Variants in ERG observed in about 807,000 individuals in gnomAD.
ERG encodes transcriptional regulator ERG.
Under a neutral mutation model 55.3 loss-of-function variants are expected in ERG, and 9 were observed. That is an observed-to-expected ratio of 0.16 (90% CI 0.10 to 0.28). The LOEUF is 0.28. Ranked by LOEUF, ERG falls within the 10% of genes least tolerant of loss-of-function variation. ERG has a pLI of 1.00. For missense variants in ERG, 434 were observed against 631.6 expected (o/e 0.69, Z 3.35); for synonymous variants, 223 against 237.3 (o/e 0.94, Z 0.55).
chr21:38,404,200 C>T (rs1988652092), intron 3 of ERG, among the ~76,000 whole-genome samples: 1 of 152,082 alleles, frequency 6.6e-6, no homozygotes, highest in Non-Finnish European at 1.5e-5. Flanking sequence ...ATGCAAAATA[C>T]TGAAAAATAC....
intron 3 of ERG, among the ~76,000 whole-genome samples, chr21:38,412,703 T>C (rs372641202): frequency 2.6e-5 from 4 of 152,346 alleles, no homozygotes; most frequent in East Asian, 1.9e-4. Context: ...CCTTAATATT[T>C]AAAAAGTTTA....
chr21:38,608,369 A>C (rs1232738122), intron 1 of ERG, among the ~76,000 whole-genome samples: 1 of 152,236 alleles, frequency 6.6e-6, no homozygotes, highest in African/African-American at 2.4e-5. Context: ...TTAGGGATAA[A>C]GATGAGCAAA....
rs371609142 is a variant in ERG, at chr21:38,572,160, T to C, written c.-41+3502A>G. 4.2e-5 allele frequency among the ~76,000 whole-genome samples: 6 copies of C among 143,804 alleles called. No individual in the cohort carries two copies. The East Asian group carries it at 6.0e-4, about 14-fold the overall frequency. The allele number at this position is 143,804 out of a possible 152,430, so 94.3% of individuals were successfully genotyped here. On this transcript the variant is annotated intron_variant, in intron 2 of 8. Transcript: ENST00000398897. ...TCACGAGGTCAGGAGATTGAGACCATCCTGGCTAACACGGTGAAACCCCGT... is the reference window on the plus strand; with the variant it reads ...TCACGAGGTCAGGAGATTGAGACCACCCTGGCTAACACGGTGAAACCCCGT...
In ERG at chr21:38,445,610, T is replaced by C. The variant is rs950146488; in HGVS notation, c.30A>G (p.Ser10=). The C allele has an allele frequency of 6.2e-7, 1 of 1,613,940 alleles. No individual in the cohort carries two copies. The highest frequency in any genetic ancestry group is 8.5e-7 in the Non-Finnish European group (1 of 1,179,836). MASTIKEAL[S]VVSEDQSLFE... is the part of the protein sequence containing the mutation. ...ACAACGACTGGTCCTCACTCACAAC[T>C]GATAAGGCTTCCTGAATGCCCAAAG... The change falls in exon 2 of 10, where the codon TCA becomes TCG. Residue 10 remains serine, a synonymous_variant. Transcript: ENST00000288319.
chr21:38,572,897 A>G (rs879357321), intron 2 of ERG, among the ~76,000 whole-genome samples: 4 of 152,200 alleles, frequency 2.6e-5, no homozygotes, highest in Admixed American at 6.5e-5. Context: ...TACTGTGTCT[A>G]TGTAGAAAGG....
the ERG span, among the ~76,000 whole-genome samples, chr21:38,372,307 G>C: frequency 1.9e-3 from 291 of 151,810 alleles, no homozygotes; most frequent in Non-Finnish European, 3.2e-3. Flanking sequence ...TTGATTCTCT[G>C]TATTTTCAGT....
intron 2 of ERG, among the ~76,000 whole-genome samples, chr21:38,531,945 A>G (rs1413981274): frequency 6.6e-6 from 1 of 152,214 alleles, no homozygotes; most frequent in Admixed American, 6.5e-5. Context: ...AATTGTGTAG[A>G]CAATTTGGTT....
intron 1 of ERG, among the ~76,000 whole-genome samples, chr21:38,491,034 G>A (rs2059330874): frequency 6.6e-6 from 1 of 152,096 alleles, no homozygotes. Flanking sequence ...GATCCAAAGA[G>A]GACTACGCAA....
At chr21:38,467,679 C>T (rs566258413) in intron 1 of ERG, among the ~76,000 whole-genome samples, 10 of 152,312 alleles carry the variant, frequency 6.6e-5, no homozygotes, top group Non-Finnish European at 1.3e-4. Flanking sequence ...TGCATCTTGA[C>T]TTTGGGGCTT....
chr21:38,467,840 T>C (rs2059104211), intron 1 of ERG, among the ~76,000 whole-genome samples: 1 of 152,206 alleles, frequency 6.6e-6, no homozygotes. Context: ...GATGTAGAAA[T>C]TGACCTAACA....
At chr21:38,654,361 A>G (rs2060506069) in intron 1 of ERG, among the ~76,000 whole-genome samples, 1 of 152,168 alleles carries the variant, frequency 6.6e-6, no homozygotes, top group Non-Finnish European at 1.5e-5. Context: ...AATCCCAGCT[A>G]CTCGGGAGGC....
intron 1 of ERG, among the ~76,000 whole-genome samples, chr21:38,634,670 T>C (rs577750697): frequency 6.6e-6 from 1 of 152,228 alleles, no homozygotes; most frequent in Non-Finnish European, 1.5e-5. Flanking sequence ...AGACCCAATA[T>C]TCCATTGTTT....
At chr21:38,621,932 G>A (rs2060292880) in intron 1 of ERG, among the ~76,000 whole-genome samples, 2 of 152,212 alleles carry the variant, frequency 1.3e-5, no homozygotes, top group Admixed American at 6.5e-5. Flanking sequence ...GAGTACACAA[G>A]GTGCGAAGTT....
At chr21:38,457,957 C>G (rs935707241) in intron 1 of ERG, among the ~76,000 whole-genome samples, 1 of 152,150 alleles carries the variant, frequency 6.6e-6, no homozygotes, top group Non-Finnish European at 1.5e-5. Context: ...TTGCACTTGT[C>G]GCTATTTATT....
intron 1 of ERG, among the ~76,000 whole-genome samples, chr21:38,597,823 A>G (rs951042889): frequency 1.3e-5 from 2 of 152,268 alleles, no homozygotes; most frequent in African/African-American, 4.8e-5. Context: ...CAAAACTGCC[A>G]ATAAAACTCA....
chr21:38,594,065 G>A (rs1171543937), intron 1 of ERG, among the ~76,000 whole-genome samples: 1 of 152,128 alleles, frequency 6.6e-6, no homozygotes, highest in African/African-American at 2.4e-5. Flanking sequence ...CTCTTTAAGG[G>A]TGGGGAATTT....
intron 3 of ERG, among the ~76,000 whole-genome samples, chr21:38,411,136 G>A (rs968316273): frequency 2.0e-5 from 3 of 152,078 alleles, no homozygotes; most frequent in Non-Finnish European, 4.4e-5. Flanking sequence ...GCTTAAATTT[G>A]AGCAATGATT....
At chr21:38,595,015 A>T (rs2060122667) in intron 1 of ERG, among the ~76,000 whole-genome samples, 1 of 152,222 alleles carries the variant, frequency 6.6e-6, no homozygotes, top group African/African-American at 2.4e-5. Flanking sequence ...CTCAGGCAGA[A>T]GTTCCAGAAA....
At chr21:38,611,046 G>A (rs74990434) in intron 1 of ERG, among the ~76,000 whole-genome samples, 1 of 152,138 alleles carries the variant, frequency 6.6e-6, no homozygotes, top group Non-Finnish European at 1.5e-5. Flanking sequence ...GGAACACAGA[G>A]GTAATCCCTT....
Sources: gnomAD v4.1 joint callset for allele counts (sites outside exome capture counted in the v4.1 genomes callset) on GRCh38, gnomAD v4.1.1 for gene constraint, MANE v1.5 for transcripts, NCBI Gene and HGNC (gene_info 2026-07-23, HGNC 2026-07-21) for gene names.